Variants in IL18 observed in about 807,000 individuals in gnomAD.
The protein encoded by IL18 is interleukin-18.
In IL18, 8 loss-of-function variants were observed where a neutral mutation model predicts 14.2. That is an observed-to-expected ratio of 0.56 (90% CI 0.33 to 1.01). The LOEUF is 1.01. Among genes scored for constraint, IL18 ranks in the 50% least tolerant of loss-of-function variants. The probability of loss-of-function intolerance (pLI) is 0.03; values close to 1 mark genes in which losing one functional copy is unlikely to be tolerated. For synonymous variants in IL18, 67 were observed against 71.0 expected (o/e 0.94, Z 0.28); for missense variants, 166 against 231.1 (o/e 0.72, Z 1.83).
intron 5 of IL18, among the ~76,000 whole-genome samples, chr11:112,148,062 T>G (rs1388502479): frequency 6.6e-6 from 1 of 152,190 alleles, no homozygotes; most frequent in Non-Finnish European, 1.5e-5. Flanking sequence ...TCTCATAACT[T>G]TTATTCAATT....
intron 4 of IL18, among the ~76,000 whole-genome samples, 158 bp from the exon 5 acceptor site, chr11:112,148,894 A>G (rs1866386408): frequency 6.6e-6 from 1 of 152,210 alleles, no homozygotes; most frequent in Non-Finnish European, 1.5e-5. Flanking sequence ...AGACATTTTT[A>G]AAAACACAGT....
At chr11:112,161,181 C>A (rs1403884775) in intron 1 of IL18, among the ~76,000 whole-genome samples, 2 of 151,940 alleles carry the variant, frequency 1.3e-5, no homozygotes, top group Non-Finnish European at 2.9e-5. Flanking sequence ...TTATGCAATA[C>A]TTTGACAACT....
intron 5 of IL18, among the ~76,000 whole-genome samples, chr11:112,144,378 A>G (rs1291530660): frequency 6.6e-6 from 1 of 152,192 alleles, no homozygotes; most frequent in Non-Finnish European, 1.5e-5. Flanking sequence ...GACTGTAAGT[A>G]TACACCACCA....
intron 1 of IL18, among the ~76,000 whole-genome samples, chr11:112,158,319 A>C (rs1866569339): frequency 6.6e-6 from 1 of 152,222 alleles, no homozygotes; most frequent in African/African-American, 2.4e-5. Context: ...AAAACGTAAA[A>C]GTTTGAGAGG....
chr11:112,159,030 AAACTC>A (rs141309870), intron 1 of IL18, among the ~76,000 whole-genome samples: 130,040 of 151,396 alleles, frequency 0.86, 56,088 homozygotes, highest in South Asian at 0.9. Context: ...TGTGTTTTAA[AAACTC>A]AACTCACTCT....
intron 3 of IL18, chr11:112,150,883 C>A (rs918955174): frequency 7.2e-5 from 11 of 152,268 alleles, no homozygotes; most frequent in African/African-American, 2.4e-4. Context: ...ACTCCACGTA[C>A]AAATTTAACT....
chr11:112,161,017 T>C (rs1866622004), intron 1 of IL18, among the ~76,000 whole-genome samples: 4 of 152,178 alleles, frequency 2.6e-5, no homozygotes, highest in African/African-American at 9.7e-5. Context: ...ATGAAAATTA[T>C]AGTATCCATT....
intron 1 of IL18, among the ~76,000 whole-genome samples, chr11:112,159,515 A>G (rs571229435): frequency 9.1e-4 from 139 of 152,330 alleles, no homozygotes; most frequent in Non-Finnish European, 1.6e-3. Flanking sequence ...TTGTGGGTCA[A>G]ACAGAAGAAG....
intron 1 of IL18, among the ~76,000 whole-genome samples, chr11:112,159,113 G>C (rs1866584886): frequency 2.0e-5 from 3 of 152,180 alleles, no homozygotes; most frequent in Admixed American, 6.5e-5. Flanking sequence ...AGCACTTTGG[G>C]AGGCTGAGGT....
At chr11:112,155,141 T>C in intron 1 of IL18, 80 bp from the exon 2 acceptor site, 1 of 792,650 alleles carries the variant, frequency 1.3e-6, no homozygotes, top group Admixed American at 2.2e-5. Context: ...TCAAGTTCAG[T>C]GGTCAGTTAA....
intron 5 of IL18, among the ~76,000 whole-genome samples, chr11:112,148,200 T>C (rs5744265): frequency 0.012 from 1,788 of 152,328 alleles, 45 homozygotes; most frequent in Admixed American, 0.059. Flanking sequence ...TGTAGAAATA[T>C]AGAAGGATAA....
At chr11:112,157,187 C>A (rs1405556184) in intron 1 of IL18, among the ~76,000 whole-genome samples, 3 of 152,142 alleles carry the variant, frequency 2.0e-5, no homozygotes, top group African/African-American at 7.2e-5. Flanking sequence ...GAGAGGCACT[C>A]TATGTTTTGA....
chr11:112,162,289 A>T (rs775360952), intron 1 of IL18, among the ~76,000 whole-genome samples: 2 of 152,040 alleles, frequency 1.3e-5, no homozygotes, highest in Non-Finnish European at 2.9e-5. Context: ...TAATCAAAAC[A>T]ATGTTGTGGT....
intron 5 of IL18, among the ~76,000 whole-genome samples, chr11:112,145,915 A>G (rs1308602971): frequency 1.3e-5 from 2 of 152,104 alleles, no homozygotes; most frequent in Non-Finnish European, 2.9e-5. Flanking sequence ...CCCAGCCATC[A>G]TAGGGAAGGT....
intron 1 of IL18, among the ~76,000 whole-genome samples, chr11:112,159,575 T>C (rs1866595242): frequency 6.6e-6 from 1 of 152,092 alleles, no homozygotes; most frequent in Non-Finnish European, 1.5e-5. Context: ...ATTTGTTGAG[T>C]GGTTACCTCA....
intron 2 of IL18, 132 bp from the exon 3 acceptor site, chr11:112,153,735 T>C: frequency 3.7e-6 from 2 of 541,728 alleles, no homozygotes; most frequent in Non-Finnish European, 6.6e-6. Flanking sequence ...TAAGGGTCTG[T>C]CTTGGCTTTC....
Position 112,148,585 on chromosome 11 carries a change from A to C in IL18, c.360+18T>G. On this transcript the variant is annotated intron_variant, in intron 5 of 5. Transcript: ENST00000280357. ...ATTATATTAACATGATTGAAAACAA[A>C]GTAAGGCTCAGTCTTACCTTAAAGG... 7.4e-7 allele frequency: 1 copy of C among 1,347,274 alleles called. No homozygotes were observed. The highest frequency in any genetic ancestry group is 9.9e-7 in the Non-Finnish European group (1 of 1,006,950). 83.5% of individuals were successfully genotyped at this position (1,347,274 alleles called of 1,614,324 possible). A position where few individuals can be genotyped will look rare whatever the true frequency, so the allele number is the denominator to read the frequency against.
chr11:112,160,713 C>A (rs1866617690), intron 1 of IL18, among the ~76,000 whole-genome samples: 1 of 152,142 alleles, frequency 6.6e-6, no homozygotes, highest in African/African-American at 2.4e-5. Flanking sequence ...CTATCTTAAA[C>A]TTTCCCTCCA....
In IL18 at chr11:112,150,001, C is replaced by T. The variant is rs186050293; in HGVS notation, c.226+71G>A. The T allele has an allele frequency of 3.0e-6, 4 of 1,316,150 alleles. No homozygotes were observed. The African/African-American group carries it at 5.9e-5, about 19-fold the overall frequency. The allele number at this position is 1,316,150 out of a possible 1,614,324, so 81.5% of individuals were successfully genotyped here. ...TCTGAGGATTGGGACTAGCACGGAACAATGTAAGCAGTAAAACAGAATGGG... is the reference window on the plus strand; with the variant it reads ...TCTGAGGATTGGGACTAGCACGGAATAATGTAAGCAGTAAAACAGAATGGG... On this transcript the variant is annotated intron_variant, in intron 4 of 5. Transcript: ENST00000280357.
Sources: allele counts gnomAD v4.1 joint callset (sites outside exome capture counted in the v4.1 genomes callset), GRCh38; gene constraint gnomAD v4.1.1; transcripts MANE v1.5; gene names NCBI Gene and HGNC (gene_info 2026-07-23, HGNC 2026-07-21).